Variants in TMEM131L observed in about 807,000 individuals in gnomAD.
The protein encoded by TMEM131L is transmembrane 131 like.
A neutral mutation model predicts 192.2 loss-of-function variants in TMEM131L; 54 were observed. The observed-to-expected ratio is 0.28, with a 90% CI of 0.23 to 0.35. The LOEUF (loss-of-function observed/expected upper bound fraction) is 0.35, where lower values mean the gene tolerates loss of function less well. TMEM131L is among the 10% of genes least tolerant of loss of function. The probability of loss-of-function intolerance (pLI) is 1.00; values close to 1 mark genes in which losing one functional copy is unlikely to be tolerated. For synonymous variants in TMEM131L, 701 were observed against 704.9 expected (o/e 0.99, Z 0.09); for missense variants, 1,888 against 1,972.9 (o/e 0.96, Z 0.82).
At chr4:153,598,867 G>A in intron 21 of TMEM131L, 135 bp downstream of exon 21, 1 of 653,084 alleles carries the variant, frequency 1.5e-6, no homozygotes, top group Non-Finnish European at 2.3e-6. Context: ...TAAATTCATT[G>A]TATTGATGCA....
In TMEM131L at chr4:153,588,870, G is replaced by A; in HGVS notation, c.1553-20G>A. 1 of 1,200,636 alleles carries A rather than the reference G, an allele frequency of 8.3e-7. No homozygotes were observed. Among genetic ancestry groups the A allele is most frequent in the South Asian group, 1.2e-5 (1 of 81,570 alleles). 74.4% of individuals were successfully genotyped at this position (1,200,636 alleles called of 1,614,324 possible). On this transcript the variant is annotated intron_variant, in intron 15 of 34. Coordinates refer to ENST00000409959, the MANE Select transcript of TMEM131L (RefSeq NM_001131007.2). Reference sequence around the variant, plus strand: ...TATGTTTTCTGTAAATCTAAATATGGAATCTGATCTAACTTTTAGGAAATC... The same window carrying A: ...TATGTTTTCTGTAAATCTAAATATGAAATCTGATCTAACTTTTAGGAAATC...
At chr4:153,532,447 A>T (rs13126509) in intron 3 of TMEM131L, among the ~76,000 whole-genome samples, 7,449 of 128,166 alleles carry the variant, frequency 0.058, 215 homozygotes, top group African/African-American at 0.08. Context: ...CTTTTTTTTT[A>T]AAAAAAAAAA....
rs768068183 is a variant in TMEM131L at position 153,636,584 on chromosome 4, T to C, written c.*8T>C. On this transcript the variant is annotated 3_prime_UTR_variant, in exon 35 of 35. Transcript: ENST00000409959. ...TACTGTGGGAATGTGTGAAAATAATTGGATTTTTAAACAATGTGAATAAAG... is the reference window on the plus strand; with the variant it reads ...TACTGTGGGAATGTGTGAAAATAATCGGATTTTTAAACAATGTGAATAAAG... The C allele has an allele frequency of 1.0e-5, 16 of 1,607,454 alleles. No individual in the cohort carries two copies. In the Admixed American group the frequency reaches 2.7e-4, roughly 27 times the overall value.
intron 7 of TMEM131L, among the ~76,000 whole-genome samples, chr4:153,571,342 TTCCC>T (rs1729578209): frequency 6.6e-6 from 1 of 152,196 alleles, no homozygotes; most frequent in Non-Finnish European, 1.5e-5. Flanking sequence ...CTCAAGCATA[TTCCC>T]TCAGGGCACA....
intron 2 of TMEM131L, among the ~76,000 whole-genome samples, chr4:153,469,464 C>T (rs952994463): frequency 1.3e-5 from 2 of 152,054 alleles, no homozygotes; most frequent in East Asian, 1.9e-4. Flanking sequence ...ATGTGTCAAA[C>T]GGAGTCTGTT....
At chr4:153,577,315 G>T (rs891806801) in intron 7 of TMEM131L, among the ~76,000 whole-genome samples, 2 of 152,212 alleles carry the variant, frequency 1.3e-5, no homozygotes, top group Non-Finnish European at 2.9e-5. Flanking sequence ...GCAAATAGTG[G>T]CATGACCAGA....
intron 4 of TMEM131L, among the ~76,000 whole-genome samples, chr4:153,550,992 G>T (rs1193248282): frequency 6.6e-6 from 1 of 152,190 alleles, no homozygotes; most frequent in Non-Finnish European, 1.5e-5. Context: ...TTAAGGAAGG[G>T]TGACGCTGTG....
At chr4:153,616,877 T>G (rs1173649483) in intron 26 of TMEM131L, among the ~76,000 whole-genome samples, 1 of 152,246 alleles carries the variant, frequency 6.6e-6, no homozygotes, top group Non-Finnish European at 1.5e-5. Context: ...ACCATTCTCC[T>G]GCAGTTGGAC....
chr4:153,616,572 G>C (rs778661507), intron 26 of TMEM131L, among the ~76,000 whole-genome samples: 14 of 152,120 alleles, frequency 9.2e-5, no homozygotes, highest in Admixed American at 3.9e-4. Flanking sequence ...CCTAGCTTTG[G>C]CTTTTTATTT....
intron 9 of TMEM131L, among the ~76,000 whole-genome samples, chr4:153,582,420 G>GTTTTTTTTTTT (rs1216119441): frequency 3.7e-5 from 3 of 81,834 alleles, no homozygotes; most frequent in African/African-American, 1.1e-4. Flanking sequence ...AATTTAAACC[G>GTTTTTTTTTTT]TTTTTTTTTG....
At chr4:153,596,745 CT>C (rs1731468413) in intron 20 of TMEM131L, among the ~76,000 whole-genome samples, 1 of 152,226 alleles carries the variant, frequency 6.6e-6, no homozygotes, top group East Asian at 1.9e-4. Context: ...TATTTTCAGT[CT>C]TTAGTATTTG....
rs1478895942 is a variant in TMEM131L at position 153,466,600 on chromosome 4, TAA to T, written c.124+80_124+81del. On this transcript the variant is annotated intron_variant, in intron 1 of 34. Transcript: ENST00000409959. ...TCTTTTAGGGAACTGCTGAAATCTA[TAA>T]GAGGGCGAGGGGAGGAAAGGGAAAG... 8.3e-6 allele frequency: 10 copies of T among 1,205,612 alleles called. No individual in the cohort carries two copies. The African/African-American group carries it at 1.4e-4, about 17-fold the overall frequency. The allele number at this position is 1,205,612 out of a possible 1,614,324, so 74.7% of individuals were successfully genotyped here.
intron 3 of TMEM131L, among the ~76,000 whole-genome samples, chr4:153,500,981 G>A (rs1046685371): frequency 1.3e-5 from 2 of 151,926 alleles, no homozygotes; most frequent in African/African-American, 4.8e-5. Context: ...TGATAATAGA[G>A]TTAAAAAAAA....
intron 34 of TMEM131L, among the ~76,000 whole-genome samples, chr4:153,635,918 A>G (rs1734536274): frequency 6.6e-6 from 1 of 152,108 alleles, no homozygotes; most frequent in Non-Finnish European, 1.5e-5. Flanking sequence ...TACTTCACCG[A>G]TACGAGATGA....
rs1208108366 is a variant in TMEM131L, at chr4:153,632,743, G to T, written c.4233G>T (p.Trp1411Cys). 1 of 1,613,914 alleles carries T rather than the reference G, an allele frequency of 6.2e-7. No homozygotes were observed. Among genetic ancestry groups the T allele is most frequent in the Non-Finnish European group, 8.5e-7 (1 of 1,180,004 alleles). ...DKGLYSPGDL[W>C]PTPPVCVTSS... ...GTCTTTACTCACCTGGAGACCTGTG[G>T]CCCACTCCGCCAGTGTGTGTGACAA... Residue 1411 changes from tryptophan to cysteine, a missense_variant, in exon 32 of 35, where the codon TGG (tryptophan) becomes TGT (cysteine). Trp to Cys is a radical substitution (Grantham distance 215). Coordinates refer to ENST00000409959, the MANE Select transcript of TMEM131L (RefSeq NM_001131007.2).
chr4:153,577,551 C>G (rs1052795209), intron 7 of TMEM131L, among the ~76,000 whole-genome samples: 2 of 152,174 alleles, frequency 1.3e-5, no homozygotes, highest in Admixed American at 1.3e-4. Flanking sequence ...CATAAAGGAA[C>G]GGGCATGGCT....
At chr4:153,533,604 G>T (rs1377253281) in intron 3 of TMEM131L, among the ~76,000 whole-genome samples, 1 of 152,196 alleles carries the variant, frequency 6.6e-6, no homozygotes, top group Non-Finnish European at 1.5e-5. Flanking sequence ...CCAGGCCCAG[G>T]CTGTGGGTGC....
intron 29 of TMEM131L, 141 bp downstream of exon 29, chr4:153,623,224 A>C: frequency 1.5e-6 from 1 of 652,030 alleles, no homozygotes; most frequent in Non-Finnish European, 2.3e-6. Flanking sequence ...CTTTGGACTT[A>C]CTCACTTTCT....
At chr4:153,519,913 A>G (rs1449407774) in intron 3 of TMEM131L, among the ~76,000 whole-genome samples, 1 of 152,232 alleles carries the variant, frequency 6.6e-6, no homozygotes, top group East Asian at 1.9e-4. Flanking sequence ...TCACACATTA[A>G]TACACATGAA....
Sources: allele counts gnomAD v4.1 joint callset (sites outside exome capture counted in the v4.1 genomes callset), GRCh38; gene constraint gnomAD v4.1.1; transcripts MANE v1.5; gene names NCBI Gene and HGNC (gene_info 2026-07-23, HGNC 2026-07-21).